PCDHGA1: variants seen among roughly 807,000 people sequenced by gnomAD.
The protein encoded by PCDHGA1 is protocadherin gamma-A1.
A neutral mutation model predicts 58.0 loss-of-function variants in PCDHGA1; 32 were observed. That is an observed-to-expected ratio of 0.55 (90% CI 0.42 to 0.74). The LOEUF (loss-of-function observed/expected upper bound fraction) is 0.74. Among genes scored for constraint, PCDHGA1 ranks in the 30% least tolerant of loss-of-function variants. The pLI, the probability that PCDHGA1 is intolerant of heterozygous loss-of-function variation, is 0.00. For synonymous variants in PCDHGA1, 498 were observed against 501.1 expected, an observed-to-expected ratio of 0.99 and a Z score of 0.08; for missense variants, 1,205 against 1,182.3, an observed-to-expected ratio of 1.02 and a Z score of -0.28.
chr5:141,444,237 T>G (rs1315900009), intron 1 of PCDHGA1, among the ~76,000 whole-genome samples: 1 of 137,132 alleles, frequency 7.3e-6, no homozygotes, highest in Admixed American at 8.0e-5. Flanking sequence ...AATGGCATGC[T>G]CTCGGCTCAC....
At chr5:141,475,987 C>A in intron 1 of PCDHGA1, 2 of 1,101,540 alleles carry the variant, frequency 1.8e-6, no homozygotes, top group Non-Finnish European at 2.6e-6. Flanking sequence ...AGCCGGCGAG[C>A]AAATCAACGG....
At chr5:141,418,373 C>T (rs936895178) in intron 1 of PCDHGA1, 1 of 1,614,006 alleles carries the variant, frequency 6.2e-7, no homozygotes, top group Non-Finnish European at 8.5e-7. Context: ...CAAATACCAA[C>T]TAAGTCCTAA....
intron 1 of PCDHGA1, chr5:141,389,952 C>T (rs2091983675): frequency 3.1e-6 from 5 of 1,613,946 alleles, no homozygotes; most frequent in Non-Finnish European, 4.2e-6. Context: ...GCAGTTTTAC[C>T]TAGTGGTGGC....
At chr5:141,390,377 T>G in intron 1 of PCDHGA1, 9 of 1,463,992 alleles carry the variant, frequency 6.1e-6, no homozygotes, top group Non-Finnish European at 8.4e-6. Flanking sequence ...TATATAATTT[T>G]TAGATGTCAT....
chr5:141,424,956 T>C (rs1435882776), intron 1 of PCDHGA1, among the ~76,000 whole-genome samples: 3 of 152,176 alleles, frequency 2.0e-5, no homozygotes, highest in African/African-American at 7.2e-5. Context: ...TTCTAGGTAT[T>C]TGCCCCAAAT....
chr5:141,393,534 G>T, intron 1 of PCDHGA1: 1 of 1,613,928 alleles, frequency 6.2e-7, no homozygotes, highest in Non-Finnish European at 8.5e-7. Context: ...CAATGCCCCG[G>T]TTTTTCCTCA....
At chr5:141,371,720 C>T in intron 1 of PCDHGA1, 1 of 1,614,070 alleles carries the variant, frequency 6.2e-7, no homozygotes, top group Non-Finnish European at 8.5e-7. Context: ...CTCTGCACAT[C>T]CTTGATGTCA....
At chr5:141,433,068 T>G (rs1296504554) in intron 1 of PCDHGA1, 1 of 1,613,900 alleles carries the variant, frequency 6.2e-7, no homozygotes, top group South Asian at 1.1e-5. Context: ...CACCTGATCT[T>G]CCCCCAGCCC....
rs537087639 is a variant in PCDHGA1 at position 141,510,502 on chromosome 5, G to A, written c.2570-445G>A. 3.3e-5 allele frequency among the ~76,000 whole-genome samples: 5 copies of A among 152,296 alleles called. No homozygotes were observed. The South Asian group carries it at 6.2e-4, about 19-fold the overall frequency. ...CTTGAGAAAGCCAGGGCAAGGAACTGAGAGCCCGTGTCACAGCCCTGAGAG... is the reference window on the plus strand; with the variant it reads ...CTTGAGAAAGCCAGGGCAAGGAACTAAGAGCCCGTGTCACAGCCCTGAGAG... On this transcript the variant is annotated intron_variant, in intron 3 of 3. Coordinates refer to ENST00000517417, the MANE Select transcript of PCDHGA1 (RefSeq NM_018912.3).
chr5:141,399,460 G>C (rs1465606526), intron 1 of PCDHGA1: 1 of 1,613,962 alleles, frequency 6.2e-7, no homozygotes, highest in Admixed American at 1.7e-5. Context: ...CAACGATAAC[G>C]CTCCGGTTTT....
At chr5:141,345,102 C>T (rs749309525) in intron 1 of PCDHGA1, 11 of 1,613,708 alleles carry the variant, frequency 6.8e-6, no homozygotes, top group Middle Eastern at 1.6e-4. Flanking sequence ...AAGCTCAGTC[C>T]CAGAAGAGGG....
chr5:141,408,728 C>A lies in PCDHGA1; in HGVS notation c.2421+75623C>A, dbSNP rs371316574. 3.7e-6 allele frequency: 6 copies of A among 1,610,174 alleles called. No individual in the cohort carries two copies. In the African/African-American group the frequency reaches 8.0e-5, roughly 22 times the overall value. ...TAAAGATTATAAGATAAACTCTAATCCTTATTTTTCATTAATGGTTAGAGT... is the reference window on the plus strand; with the variant it reads ...TAAAGATTATAAGATAAACTCTAATACTTATTTTTCATTAATGGTTAGAGT... On this transcript the variant is annotated intron_variant, in intron 1 of 3. Transcript: ENST00000517417.
intron 1 of PCDHGA1, among the ~76,000 whole-genome samples, chr5:141,386,748 G>T (rs1033565005): frequency 6.6e-6 from 1 of 152,190 alleles, no homozygotes; most frequent in African/African-American, 2.4e-5. Flanking sequence ...TCCTATGGCA[G>T]AACTACGGTT....
At position 141,511,456 on chromosome 5, in the gene PCDHGA1, C is replaced by A. The variant is rs900802210; in HGVS notation, c.*283C>A. ...TACTGTAGACACCAAGAACCATTTG[C>A]CACACCCCGTTTAGTTACAGCTGAA... On this transcript the variant is annotated 3_prime_UTR_variant, in exon 4 of 4. Transcript: ENST00000517417. 3.4e-6 allele frequency: 2 copies of A among 585,210 alleles called. No homozygotes were observed. The highest frequency in any genetic ancestry group is 5.7e-6 in the Non-Finnish European group (2 of 351,786). 36.3% of individuals were successfully genotyped at this position (585,210 alleles called of 1,614,324 possible).
chr5:141,366,172 A>C lies in PCDHGA1; in HGVS notation c.2421+33067A>C, dbSNP rs559505576. On this transcript the variant is annotated intron_variant, in intron 1 of 3. Transcript: ENST00000517417. The stretch of plus-strand genomic sequence containing the variant: ...ACCGCCTGCTTAAGGCCAGCGAGCC[A>C]GGACTCTTTGCGGTTGGGCTGCACA... The C allele has an allele frequency of 2.6e-5, 42 of 1,613,958 alleles. No homozygotes were observed. The Admixed American group carries it at 7.0e-4, about 27-fold the overall frequency.
At chr5:141,458,727 A>G (rs1424554234) in intron 1 of PCDHGA1, among the ~76,000 whole-genome samples, 1 of 151,570 alleles carries the variant, frequency 6.6e-6, no homozygotes, top group East Asian at 1.9e-4. Flanking sequence ...TCGCCACCAC[A>G]TCCAGCTATT....
chr5:141,459,260 T>G (rs551625614), intron 1 of PCDHGA1, among the ~76,000 whole-genome samples: 1 of 152,344 alleles, frequency 6.6e-6, no homozygotes, highest in South Asian at 2.1e-4. Flanking sequence ...TAAATTAGTG[T>G]TGCCTCTTTC....
chr5:141,388,056 G>A lies in PCDHGA1; in HGVS notation c.2421+54951G>A, dbSNP rs1192724751. 2.2e-6 allele frequency: 3 copies of A among 1,386,286 alleles called. No individual in the cohort carries two copies. In the Admixed American group the frequency reaches 6.2e-5, roughly 29 times the overall value. 85.9% of individuals were successfully genotyped at this position (1,386,286 alleles called of 1,614,324 possible). A position where few individuals can be genotyped will look rare whatever the true frequency, so the allele number is the denominator to read the frequency against. On this transcript the variant is annotated intron_variant, in intron 1 of 3. Coordinates refer to ENST00000517417, the MANE Select transcript of PCDHGA1 (RefSeq NM_018912.3). ...CCTCGCCACGGACCTGGGGTTCAGC[G>A]TCCAGGAGTTACCGACTCGAAAACT...
chr5:141,465,697 T>C (rs1386528821), intron 1 of PCDHGA1, among the ~76,000 whole-genome samples: 2 of 152,200 alleles, frequency 1.3e-5, no homozygotes, highest in African/African-American at 4.8e-5. Context: ...TGCTTTTGCA[T>C]TGGTCAAATG....
Sources: allele counts gnomAD v4.1 joint callset (sites outside exome capture counted in the v4.1 genomes callset), GRCh38; gene constraint gnomAD v4.1.1; transcripts MANE v1.5; gene names NCBI Gene and HGNC (gene_info 2026-07-23, HGNC 2026-07-21).